Variants in UCHL1 observed in about 807,000 individuals in gnomAD.
UCHL1 encodes ubiquitin carboxyl-terminal hydrolase isozyme L1.
Under a neutral mutation model 33.3 loss-of-function variants are expected in UCHL1, and 5 were observed. That is an observed-to-expected ratio of 0.15 (90% CI 0.08 to 0.32). UCHL1 has a LOEUF of 0.32. Among genes scored for constraint, UCHL1 ranks in the 10% least tolerant of loss-of-function variants. The pLI, the probability that UCHL1 is intolerant of heterozygous loss-of-function variation, is 1.00. For synonymous variants in UCHL1, 132 were observed against 108.8 expected, an observed-to-expected ratio of 1.21 and a Z score of -1.33; for missense variants, 236 against 280.0, an observed-to-expected ratio of 0.84 and a Z score of 1.12.
At chr4:41,262,926 A>T (rs1781095939) in intron 6 of UCHL1, among the ~76,000 whole-genome samples, 1 of 152,094 alleles carries the variant, frequency 6.6e-6, no homozygotes, top group African/African-American at 2.4e-5. Context: ...GTGTCTTTAT[A>T]ACTACAACTG....
rs1554005212 is a variant in UCHL1, at chr4:41,266,226, C to CGTTT, written c.586-1761_586-1760insGTTT. On this transcript the variant is annotated intron_variant, in intron 8 of 8. Coordinates refer to ENST00000284440, the MANE Select transcript of UCHL1 (RefSeq NM_004181.5). Reference sequence around the variant, plus strand: ...CGTGAGCCACAGTACCTGGCTAAAACTTTTTTTTTTTTTTTTTTTTTAACT... The same window carrying CGTTT: ...CGTGAGCCACAGTACCTGGCTAAAACGTTTTTTTTTTTTTTTTTTTTTTTTAACT... 7.5e-3 allele frequency among the ~76,000 whole-genome samples: 1,025 copies of CGTTT among 136,608 alleles called. 17 individuals are homozygous for CGTTT. Among genetic ancestry groups the CGTTT allele is most frequent in the African/African-American group, 0.016 (564 of 35,540 alleles). The allele number at this position is 136,608 out of a possible 152,430, so 89.6% of individuals were successfully genotyped here.
Position 41,268,161 on chromosome 4 carries a change from A to G in UCHL1, c.*88A>G, listed in dbSNP as rs992371452. 1.6e-6 allele frequency: 2 copies of G among 1,236,256 alleles called. No homozygotes were observed. The highest frequency in any genetic ancestry group is 2.3e-6 in the Non-Finnish European group (2 of 859,378). 76.6% of individuals were successfully genotyped at this position (1,236,256 alleles called of 1,614,324 possible). ...CCCATGCAGTCTAAAATGCTTCAGT[A>G]CTTGTGAAACACAGCTGTTCTTCTG... is the stretch of plus-strand genomic sequence containing the variant. On this transcript the variant is annotated 3_prime_UTR_variant, in exon 9 of 9. Transcript: ENST00000284440.
intron 8 of UCHL1, chr4:41,264,479 A>G: frequency 2.3e-6 from 1 of 427,444 alleles, no homozygotes; most frequent in Admixed American, 3.6e-5. Context: ...AGATTACATC[A>G]TAGCTAAAGA....
At position 41,257,008 on chromosome 4, in the gene UCHL1, A is replaced by G; in HGVS notation, c.32A>G (p.Glu11Gly). The G allele has an allele frequency of 6.2e-7, 1 of 1,613,998 alleles. No individual in the cohort carries two copies. The highest frequency in any genetic ancestry group is 8.5e-7 in the Non-Finnish European group (1 of 1,180,006). MQLKPMEINP[E>G]MLNKVLSRLG... Reference sequence around the variant, plus strand: ...CTCAAGCCGATGGAGATCAACCCCGAGGTGAGCGCCAGGTGCACCGCTACC... The same window carrying G: ...CTCAAGCCGATGGAGATCAACCCCGGGGTGAGCGCCAGGTGCACCGCTACC... The change falls in exon 1 of 9, where the codon GAG (glutamate) becomes GGG (glycine). Residue 11 changes from glutamate (E) to glycine (G), a missense_variant and splice_region_variant. Coordinates refer to ENST00000284440, the MANE Select transcript of UCHL1 (RefSeq NM_004181.5).
chr4:41,257,404 C>A, intron 2 of UCHL1: 2 of 899,124 alleles, frequency 2.2e-6, no homozygotes, highest in South Asian at 2.0e-5. Context: ...GACTCGGCTG[C>A]ACGGGCTTCG....
intron 4 of UCHL1, 133 bp downstream of exon 4, chr4:41,260,930 A>G (rs1395418452): frequency 3.1e-6 from 4 of 1,298,272 alleles, no homozygotes; most frequent in African/African-American, 1.5e-5. Context: ...CAGACACTTA[A>G]TCTGACTCAC....
intron 8 of UCHL1, among the ~76,000 whole-genome samples, chr4:41,265,904 A>C (rs752732868): frequency 6.6e-6 from 1 of 152,222 alleles, no homozygotes; most frequent in Non-Finnish European, 1.5e-5. Flanking sequence ...TGGTGAGAAT[A>C]AGAAAACAGG....
At chr4:41,265,232 T>G (rs1781133090) in intron 8 of UCHL1, among the ~76,000 whole-genome samples, 1 of 152,164 alleles carries the variant, frequency 6.6e-6, no homozygotes, top group Non-Finnish European at 1.5e-5. Context: ...CTGACAAAAC[T>G]CAAGAGTTTA....
chr4:41,265,271 A>T (rs1781133548), intron 8 of UCHL1, among the ~76,000 whole-genome samples: 1 of 152,228 alleles, frequency 6.6e-6, no homozygotes. Flanking sequence ...TTACATGGCA[A>T]ACTGTGATTC....
intron 6 of UCHL1, among the ~76,000 whole-genome samples, chr4:41,262,775 T>G (rs1561081452): frequency 6.6e-6 from 1 of 152,110 alleles, no homozygotes; most frequent in Non-Finnish European, 1.5e-5. Context: ...CCTACTAATT[T>G]TTATATTTTT....
At position 41,257,725 on chromosome 4, in the gene UCHL1, C is replaced by G. The variant is rs746333982; in HGVS notation, c.162C>G (p.Pro54=). 1.9e-6 allele frequency: 3 copies of G among 1,579,130 alleles called. No individual in the cohort carries two copies. The highest frequency in any genetic ancestry group is 2.6e-6 in the Non-Finnish European group (3 of 1,166,564). ...CCTGCGCGCTGCTGCTGCTGTTTCC[C>G]CTCACGGCCCAGGTAGGGCGTGGGG... ...APACALLLLF[P]LTAQHENFRK... is the part of the protein sequence containing the mutation. Residue 54 remains proline (P), a synonymous_variant, in exon 3 of 9, where the codon CCC becomes CCG. Coordinates refer to ENST00000284440, the MANE Select transcript of UCHL1 (RefSeq NM_004181.5).
chr4:41,260,759 T>A lies in UCHL1; in HGVS notation c.287T>A (p.Ile96Asn). ...IGNSCGTIGLIHAVANNQDKL... is the reference protein window; with the variant it reads ...IGNSCGTIGLNHAVANNQDKL... ...AATTCCTGTGGCACAATCGGACTTA[T>A]TCACGCAGTGGCCAATAATCAAGAC... The change falls in exon 4 of 9, where the codon ATT (isoleucine) becomes AAT (asparagine). Residue 96 changes from isoleucine (I) to asparagine (N), a missense_variant. Physicochemically the swap from Ile to Asn is moderately radical, Grantham distance 149. Coordinates refer to ENST00000284440, the MANE Select transcript of UCHL1 (RefSeq NM_004181.5). 1 of 1,614,190 alleles carries A rather than the reference T, an allele frequency of 6.2e-7. No individual in the cohort carries two copies. The highest frequency in any genetic ancestry group is 8.5e-7 in the Non-Finnish European group (1 of 1,180,046).
At chr4:41,266,226 CTTTT>C (rs71650920) in intron 8 of UCHL1, among the ~76,000 whole-genome samples, 17 of 136,804 alleles carry the variant, frequency 1.2e-4, no homozygotes, top group South Asian at 2.3e-4. Context: ...CTGGCTAAAA[CTTTT>C]TTTTTTTTTT....
intron 4 of UCHL1, 74 bp downstream of exon 4, chr4:41,260,871 C>G: frequency 6.2e-7 from 1 of 1,605,654 alleles, no homozygotes; most frequent in Admixed American, 1.7e-5. Flanking sequence ...GCTGTTTTCC[C>G]GAGGTCAGAG....
rs1420422909 is a variant in UCHL1 at position 41,257,635 on chromosome 4, C to T, written c.72C>T (p.Gly24=). The T allele has an allele frequency of 6.4e-7, 1 of 1,558,560 alleles. No individual in the cohort carries two copies. ...TGCTGTCCCGGCTGGGGGTCGCCGG[C>T]CAGTGGCGCTTCGTGGACGTGCTGG... The part of the protein sequence containing the change: ...NKVLSRLGVA[G]QWRFVDVLGL... Residue 24 remains glycine, a synonymous_variant, in exon 3 of 9, where the codon GGC becomes GGT. Coordinates refer to ENST00000284440, the MANE Select transcript of UCHL1 (RefSeq NM_004181.5).
At chr4:41,261,842 G>A (rs772952946) in intron 5 of UCHL1, 34 bp from the exon 6 acceptor site, 2 of 1,614,006 alleles carry the variant, frequency 1.2e-6, no homozygotes, top group South Asian at 1.1e-5. Flanking sequence ...TAACTCTAGA[G>A]ATTTTTGTGC....
At chr4:41,258,473 G>A (rs1321211121) in intron 3 of UCHL1, among the ~76,000 whole-genome samples, 7 of 152,086 alleles carry the variant, frequency 4.6e-5, no homozygotes, top group African/African-American at 1.7e-4. Flanking sequence ...AAGTGTGCAT[G>A]GATAGATGTA....
chr4:41,267,487 C>A (rs1781173341), intron 8 of UCHL1, among the ~76,000 whole-genome samples: 2 of 152,110 alleles, frequency 1.3e-5, no homozygotes, highest in Non-Finnish European at 2.9e-5. Context: ...GCCTCGTGAT[C>A]CGCCTGCCTC....
At chr4:41,264,040 A>G (rs891538479) in intron 7 of UCHL1, 63 bp from the exon 8 acceptor site, 12 of 1,604,874 alleles carry the variant, frequency 7.5e-6, no homozygotes, top group African/African-American at 6.7e-5. Context: ...CATCTAGGCT[A>G]GGTAAGCACG....
Sources: allele counts gnomAD v4.1 joint callset (sites outside exome capture counted in the v4.1 genomes callset), GRCh38; gene constraint gnomAD v4.1.1; transcripts MANE v1.5; gene names NCBI Gene and HGNC (gene_info 2026-07-23, HGNC 2026-07-21).